FAF1: variants seen among roughly 807,000 people sequenced by gnomAD.
FAF1 encodes FAS-associated factor 1.
A neutral mutation model predicts 92.5 loss-of-function variants in FAF1; 25 were observed. That is an observed-to-expected ratio of 0.27 (90% confidence interval 0.20 to 0.38). The LOEUF (loss-of-function observed/expected upper bound fraction) is 0.38. FAF1 is among the 10% of genes least tolerant of loss of function. FAF1 has a pLI of 1.00. For synonymous variants in FAF1, 234 were observed against 273.2 expected (o/e 0.86, Z 1.42); for missense variants, 636 against 793.3 (o/e 0.80, Z 2.38).
intron 15 of FAF1, among the ~76,000 whole-genome samples, chr1:50,522,110 GA>G (rs1647531564): frequency 6.6e-6 from 1 of 152,194 alleles, no homozygotes. Context: ...ACGCAATTAA[GA>G]GAAACTTTCT....
At chr1:50,578,252 T>G (rs757458840) in intron 12 of FAF1, among the ~76,000 whole-genome samples, 2 of 152,184 alleles carry the variant, frequency 1.3e-5, no homozygotes, top group Non-Finnish European at 2.9e-5. Context: ...CTGGTAAAAT[T>G]AATGTACCTC....
chr1:50,679,086 C>CA (rs915658806), intron 7 of FAF1, among the ~76,000 whole-genome samples: 5 of 151,838 alleles, frequency 3.3e-5, no homozygotes, highest in East Asian at 1.9e-4. Context: ...GACTCCGTCT[C>CA]AAAAAAAACA....
At chr1:50,533,543 G>C (rs1159281778) in intron 15 of FAF1, among the ~76,000 whole-genome samples, 1 of 152,096 alleles carries the variant, frequency 6.6e-6, no homozygotes, top group African/African-American at 2.4e-5. Flanking sequence ...TATGACTCTT[G>C]CTCTCAGTTT....
At chr1:50,599,128 C>T (rs191776953) in intron 8 of FAF1, among the ~76,000 whole-genome samples, 1 of 151,888 alleles carries the variant, frequency 6.6e-6, no homozygotes, top group African/African-American at 2.4e-5. Context: ...TATTTATTTT[C>T]TTGAGAGGGA....
chr1:50,575,096 G>C (rs528301253), intron 12 of FAF1, among the ~76,000 whole-genome samples: 1 of 151,976 alleles, frequency 6.6e-6, no homozygotes, highest in African/African-American at 2.4e-5. Flanking sequence ...TTTTAATAGA[G>C]ACGGGGTTTC....
chr1:50,618,417 T>TG (rs1653031010), intron 8 of FAF1, among the ~76,000 whole-genome samples: 1 of 145,050 alleles, frequency 6.9e-6, no homozygotes, highest in African/African-American at 2.6e-5. Flanking sequence ...TTTTAGAGTT[T>TG]TTTTTTTTTT....
intron 4 of FAF1, among the ~76,000 whole-genome samples, chr1:50,758,090 G>T (rs545671226): frequency 2.0e-5 from 3 of 152,270 alleles, no homozygotes; most frequent in Admixed American, 2.0e-4. Context: ...GCTAATTTTT[G>T]TATTTTTAGT....
chr1:50,881,272 T>C (rs1644609789), intron 1 of FAF1, among the ~76,000 whole-genome samples: 1 of 152,196 alleles, frequency 6.6e-6, no homozygotes, highest in Admixed American at 6.5e-5. Flanking sequence ...CACTAGGTGG[T>C]TGTGATGTAG....
chr1:50,658,307 G>A (rs1655217544), intron 7 of FAF1, among the ~76,000 whole-genome samples: 1 of 151,766 alleles, frequency 6.6e-6, no homozygotes, highest in South Asian at 2.1e-4. Flanking sequence ...AAAAAAAGCA[G>A]GACAAATATT....
At chr1:50,597,655 A>G (rs1233797376) in intron 8 of FAF1, among the ~76,000 whole-genome samples, 1 of 152,170 alleles carries the variant, frequency 6.6e-6, no homozygotes, top group Non-Finnish European at 1.5e-5. Flanking sequence ...AATAATTATT[A>G]TTTTACAGTA....
At chr1:50,910,290 C>A (rs1272981798) in intron 1 of FAF1, among the ~76,000 whole-genome samples, 1 of 152,190 alleles carries the variant, frequency 6.6e-6, no homozygotes, top group Non-Finnish European at 1.5e-5. Context: ...TCAGTCAGCC[C>A]CTACTGGGAG....
intron 3 of FAF1, among the ~76,000 whole-genome samples, chr1:50,799,104 G>A (rs573866042): frequency 1.3e-5 from 2 of 152,124 alleles, no homozygotes; most frequent in Non-Finnish European, 2.9e-5. Flanking sequence ...GAGCTACCAC[G>A]CCCAGCTCTC....
chr1:50,864,536 C>A lies in FAF1; in HGVS notation c.46-6539G>T, dbSNP rs1156432839. On this transcript the variant is annotated intron_variant, in intron 1 of 18. Coordinates refer to ENST00000396153, the MANE Select transcript of FAF1 (RefSeq NM_007051.3). The stretch of plus-strand genomic sequence containing the variant: ...AACAGAGCCCTCAGAAATAACACCA[C>A]ATATCTACAACTATCTGATCTTTGA... Among the ~76,000 whole-genome samples, 18 of 152,088 alleles carry A rather than the reference C, an allele frequency of 1.2e-4. No individual in the cohort carries two copies. In the East Asian group the frequency reaches 3.5e-3, roughly 29 times the overall value.
At chr1:50,788,304 CAAGT>C in intron 3 of FAF1, 99 bp from the exon 4 acceptor site, 2 of 999,970 alleles carry the variant, frequency 2.0e-6, no homozygotes, top group Non-Finnish European at 1.5e-6. Context: ...TTCTTCCTAT[CAAGT>C]AAGTTTACCT....
At chr1:50,753,757 C>CTTTTTTTT in intron 4 of FAF1, among the ~76,000 whole-genome samples, 1 of 130,560 alleles carries the variant, frequency 7.7e-6, no homozygotes, top group East Asian at 2.2e-4. Flanking sequence ...ATTATCTGTT[C>CTTTTTTTT]TTTTTTTTTT....
intron 2 of FAF1, among the ~76,000 whole-genome samples, chr1:50,840,353 C>A (rs1003619917): frequency 6.6e-6 from 1 of 151,734 alleles, no homozygotes; most frequent in African/African-American, 2.4e-5. Flanking sequence ...TCTACAAATA[C>A]GTGACAAAAG....
At chr1:50,778,838 GACAC>G (rs139878228) in intron 4 of FAF1, among the ~76,000 whole-genome samples, 8 of 147,576 alleles carry the variant, frequency 5.4e-5, no homozygotes, top group Non-Finnish European at 7.5e-5. Context: ...AAAACACACA[GACAC>G]ACACACACAC....
intron 8 of FAF1, among the ~76,000 whole-genome samples, chr1:50,623,342 T>A: frequency 6.7e-6 from 1 of 148,340 alleles, no homozygotes; most frequent in East Asian, 2.1e-4. Flanking sequence ...CCAAGGCGGG[T>A]GGACTGCCTG....
chr1:50,845,803 T>A (rs1644293938), intron 2 of FAF1, among the ~76,000 whole-genome samples: 2 of 151,912 alleles, frequency 1.3e-5, no homozygotes, highest in Admixed American at 6.6e-5. Flanking sequence ...AACTCAAAAT[T>A]ATACTCAAAC....
Sources: allele counts gnomAD v4.1 joint callset (sites outside exome capture counted in the v4.1 genomes callset), GRCh38; gene constraint gnomAD v4.1.1; transcripts MANE v1.5; gene names NCBI Gene and HGNC (gene_info 2026-07-23, HGNC 2026-07-21).